Variants in DNAI2 observed in about 807,000 individuals in gnomAD.
DNAI2 encodes dynein, axonemal, intermediate polypeptide 2.
A neutral mutation model predicts 74.7 loss-of-function variants in DNAI2; 63 were observed. The observed-to-expected ratio is 0.84, with a 90% CI of 0.69 to 1.04. The LOEUF (loss-of-function observed/expected upper bound fraction) is 1.04. DNAI2 is among the 50% of genes least tolerant of loss of function. DNAI2 has a pLI of 0.00. For missense variants in DNAI2, 688 were observed against 803.2 expected (o/e 0.86, Z 1.73); for synonymous variants, 289 against 314.9 (o/e 0.92, Z 0.87).
chr17:74,305,670 C>CTTTTTTTTTT, intron 9 of DNAI2, among the ~76,000 whole-genome samples: 1 of 122,248 alleles, frequency 8.2e-6, no homozygotes. Context: ...ATTTTATTTC[C>CTTTTTTTTTT]TTTTTTTTTT....
chr17:74,309,545 C>A (rs1338194725), intron 10 of DNAI2, 157 bp downstream of exon 10: 5 of 1,073,400 alleles, frequency 4.7e-6, no homozygotes, highest in Admixed American at 2.0e-5. Context: ...GCAGCGATTG[C>A]TTTTGAGCGT....
intron 13 of DNAI2, 36 bp from the exon 14 acceptor site, chr17:74,314,553 G>A: frequency 2.9e-6 from 1 of 342,058 alleles, no homozygotes; most frequent in Non-Finnish European, 5.8e-6. Flanking sequence ...CTTCTCACAG[G>A]CTCCCCAGCA....
chr17:74,301,716 G>A (rs1335305507), intron 8 of DNAI2, among the ~76,000 whole-genome samples: 3 of 151,710 alleles, frequency 2.0e-5, no homozygotes, highest in Admixed American at 6.6e-5. Context: ...GCTCACGCCT[G>A]TAATCCCAGC....
chr17:74,298,103 A>C (rs1223306358), intron 6 of DNAI2, among the ~76,000 whole-genome samples: 2 of 152,064 alleles, frequency 1.3e-5, no homozygotes, highest in African/African-American at 4.8e-5. Context: ...CCACTTTGCC[A>C]TGATTAATTC....
At chr17:74,281,741 G>A (rs778308456) in intron 1 of DNAI2, 66 bp from the exon 2 acceptor site, 5 of 1,531,842 alleles carry the variant, frequency 3.3e-6, no homozygotes, top group East Asian at 2.2e-5. Flanking sequence ...TGTCCTGGCA[G>A]GACCTGTGGA....
chr17:74,310,204 C>A, intron 11 of DNAI2, 41 bp downstream of exon 11: 1 of 1,604,968 alleles, frequency 6.2e-7, no homozygotes, highest in South Asian at 1.1e-5. Context: ...CCAGCACGTC[C>A]CGACCTGGCC....
At chr17:74,301,899 G>A (rs1450090659) in intron 8 of DNAI2, among the ~76,000 whole-genome samples, 1 of 40,758 alleles carries the variant, frequency 2.5e-5, no homozygotes, top group Admixed American at 1.8e-4. Context: ...AGGAAGGAAG[G>A]AAGGAAGGAA....
intron 9 of DNAI2, among the ~76,000 whole-genome samples, chr17:74,308,578 G>C (rs2053317962): frequency 1.3e-5 from 2 of 152,060 alleles, no homozygotes; most frequent in Non-Finnish European, 2.9e-5. Context: ...CTGGAGTACA[G>C]TGGCACAAAC....
At chr17:74,311,068 C>T (rs2053493749) in intron 11 of DNAI2, among the ~76,000 whole-genome samples, 1 of 151,810 alleles carries the variant, frequency 6.6e-6, no homozygotes, top group Non-Finnish European at 1.5e-5. Context: ...GAGACAGGGT[C>T]TCCTTATGTT....
At position 74,305,326 on chromosome 17, in the gene DNAI2, C is replaced by G; in HGVS notation, c.1095C>G (p.Gly365=). The stretch of plus-strand genomic sequence containing the variant: ...TGTGCACCTTCCCGGGCCATCATGG[C>G]CCCATCTACGCCCTCCAGAGAAACC... ...KIVCTFPGHH[G]PIYALQRNPF... Residue 365 remains glycine (G), a synonymous_variant, in exon 9 of 14, where the codon GGC becomes GGG. Transcript: ENST00000311014. 1 of 1,614,158 alleles carries G rather than the reference C, an allele frequency of 6.2e-7. No individual in the cohort carries two copies. The highest frequency in any genetic ancestry group is 8.5e-7 in the Non-Finnish European group (1 of 1,179,974).
intron 11 of DNAI2, among the ~76,000 whole-genome samples, chr17:74,310,830 G>A (rs185029734): frequency 5.9e-5 from 9 of 151,438 alleles, no homozygotes; most frequent in South Asian, 2.1e-4. Flanking sequence ...GTGAGCCACC[G>A]TGCCCAGCCT....
intron 6 of DNAI2, among the ~76,000 whole-genome samples, chr17:74,294,602 C>T (rs1235668941): frequency 6.6e-6 from 1 of 152,156 alleles, no homozygotes; most frequent in Non-Finnish European, 1.5e-5. Context: ...AGGCGTGAGC[C>T]ACCACACTCA....
chr17:74,288,107 T>A (rs1466368709), intron 4 of DNAI2, among the ~76,000 whole-genome samples: 2 of 152,240 alleles, frequency 1.3e-5, no homozygotes, highest in Non-Finnish European at 2.9e-5. Flanking sequence ...AAACCATTTT[T>A]TGTCTTTGCA....
At chr17:74,282,052 G>A (rs2051424888) in intron 2 of DNAI2, 52 bp downstream of exon 2, 2 of 1,604,052 alleles carry the variant, frequency 1.2e-6, no homozygotes, top group South Asian at 1.1e-5. Flanking sequence ...CAGGCAGGGC[G>A]GCCAGCTGGG....
Position 74,300,917 on chromosome 17 carries a change from G to T in DNAI2, c.865-129G>T. 2.3e-6 allele frequency: 3 copies of T among 1,303,196 alleles called. No homozygotes were observed. The highest frequency in any genetic ancestry group is 3.3e-6 in the Non-Finnish European group (3 of 916,840). The allele number at this position is 1,303,196 out of a possible 1,614,324, so 80.7% of individuals were successfully genotyped here. Reference sequence around the variant, plus strand: ...ATCCTCAAAGTGTATTTGCTCCCACGAATTGCCGGGAGCTCCATCCTTTGT... The same window carrying T: ...ATCCTCAAAGTGTATTTGCTCCCACTAATTGCCGGGAGCTCCATCCTTTGT... On this transcript the variant is annotated intron_variant, in intron 7 of 13. Coordinates refer to ENST00000311014, the MANE Select transcript of DNAI2 (RefSeq NM_023036.6). This position sits in a 1 kb window ranked among gnomAD's most constrained non-coding sequence, Gnocchi z 4.5.
intron 9 of DNAI2, among the ~76,000 whole-genome samples, chr17:74,307,768 A>G (rs1382990277): frequency 6.6e-6 from 1 of 151,656 alleles, no homozygotes; most frequent in Non-Finnish European, 1.5e-5. Flanking sequence ...ATATACTTAT[A>G]CTAAAAATTA....
chr17:74,292,578 G>A (rs1025625975), intron 6 of DNAI2, among the ~76,000 whole-genome samples: 1 of 151,788 alleles, frequency 6.6e-6, no homozygotes, highest in African/African-American at 2.4e-5. Flanking sequence ...CACCACACTC[G>A]GCTAATTTTT....
intron 4 of DNAI2, among the ~76,000 whole-genome samples, chr17:74,288,177 T>A: frequency 6.6e-6 from 1 of 152,196 alleles, no homozygotes; most frequent in East Asian, 1.9e-4. Flanking sequence ...ATACAACCAT[T>A]CTGTTTTCCA....
At chr17:74,306,024 T>C (rs1352500676) in intron 9 of DNAI2, among the ~76,000 whole-genome samples, 1 of 152,196 alleles carries the variant, frequency 6.6e-6, no homozygotes, top group African/African-American at 2.4e-5. Context: ...AGCATTGCTC[T>C]TCTCTTCATC....
Sources: gnomAD v4.1 joint callset for allele counts (sites outside exome capture counted in the v4.1 genomes callset) on GRCh38, gnomAD v4.1.1 for gene constraint, Gnocchi (gnomAD v3.1) non-coding constraint, MANE v1.5 for transcripts, NCBI Gene and HGNC (gene_info 2026-07-23, HGNC 2026-07-21) for gene names.